POU6F2: variants seen among roughly 807,000 people sequenced by gnomAD.
POU6F2 encodes POU class 6 homeobox 2.
A neutral mutation model predicts 71.3 loss-of-function variants in POU6F2; 31 were observed. That is an observed-to-expected ratio of 0.43 (90% CI 0.33 to 0.59). The LOEUF (loss-of-function observed/expected upper bound fraction) is 0.59. Ranked by LOEUF, POU6F2 falls within the 20% of genes least tolerant of loss-of-function variation. POU6F2 has a pLI of 0.04. For missense variants in POU6F2, 783 were observed against 856.8 expected (o/e 0.91, Z 1.07); for synonymous variants, 347 against 355.7 (o/e 0.98, Z 0.27).
chr7:39,136,447 C>T (rs750786401), intron 2 of POU6F2, among the ~76,000 whole-genome samples: 28 of 152,086 alleles, frequency 1.8e-4, no homozygotes, highest in Non-Finnish European at 3.2e-4. Flanking sequence ...GTGAATGTTC[C>T]AGGCAGTGTT....
At position 39,386,563 on chromosome 7, in the gene POU6F2, C is replaced by T. The variant is rs569204329; in HGVS notation, c.973-20037C>T. 1.1e-4 allele frequency among the ~76,000 whole-genome samples: 17 copies of T among 152,294 alleles called. No individual in the cohort carries two copies. In the South Asian group the frequency reaches 3.5e-3, roughly 32 times the overall value. ...CAAAGATTTTTAACAGGAGGGTGAT[C>T]TCAGCAAATGTTTCAGGATGGCTGC... On this transcript the variant is annotated intron_variant, in intron 5 of 9. Coordinates refer to ENST00000518318, the MANE Select transcript of POU6F2 (RefSeq NM_001370959.1).
At chr7:39,397,740 G>T (rs1014272098) in intron 5 of POU6F2, among the ~76,000 whole-genome samples, 1 of 148,526 alleles carries the variant, frequency 6.7e-6, no homozygotes, top group Non-Finnish European at 1.5e-5. Flanking sequence ...TGATCCACCC[G>T]CCTGATCCAC....
chr7:39,279,640 C>T (rs1386711991), intron 4 of POU6F2, among the ~76,000 whole-genome samples: 4 of 152,208 alleles, frequency 2.6e-5, no homozygotes, highest in Non-Finnish European at 5.9e-5. Context: ...CAGTGGTTTG[C>T]CAGCAATCTT....
At chr7:39,288,356 A>C (rs1024937268) in intron 4 of POU6F2, among the ~76,000 whole-genome samples, 1 of 152,184 alleles carries the variant, frequency 6.6e-6, no homozygotes, top group Non-Finnish European at 1.5e-5. Context: ...CAACATCCTC[A>C]GCTGTCACAG....
rs143879544 is a variant in POU6F2 at position 39,169,900 on chromosome 7, A to C, written c.278-34335A>C. Among the ~76,000 whole-genome samples the C allele has an allele frequency of 9.2e-3, 1,396 of 152,284 alleles. 22 individuals carry two copies. Among genetic ancestry groups the C allele is most frequent in the African/African-American group, 0.031 (1,297 of 41,570 alleles). ...GATTATAAAATTGAATTCAAAGGTA[A>C]GGCTGGGCGCGGTGGCTCATGCCTG... On this transcript the variant is annotated intron_variant, in intron 2 of 9. Transcript: ENST00000518318.
At chr7:39,175,979 G>A (rs1476851692) in intron 2 of POU6F2, among the ~76,000 whole-genome samples, 3 of 152,142 alleles carry the variant, frequency 2.0e-5, no homozygotes, top group Admixed American at 6.5e-5. Flanking sequence ...CTTTATCTTA[G>A]GTCAATCAGC....
chr7:38,997,490 T>C (rs1271181374), intron 1 of POU6F2, among the ~76,000 whole-genome samples: 2 of 152,358 alleles, frequency 1.3e-5, no homozygotes, highest in African/African-American at 4.8e-5. Context: ...TGGCCTCATC[T>C]GAATCCTTAG....
At chr7:39,026,495 C>A (rs1379435747) in intron 1 of POU6F2, among the ~76,000 whole-genome samples, 1 of 151,936 alleles carries the variant, frequency 6.6e-6, no homozygotes, top group Non-Finnish European at 1.5e-5. Flanking sequence ...TAAACTATGG[C>A]AAGGACAAAA....
At chr7:39,178,570 T>C (rs908207780) in intron 2 of POU6F2, among the ~76,000 whole-genome samples, 11 of 152,240 alleles carry the variant, frequency 7.2e-5, no homozygotes, top group African/African-American at 2.7e-4. Context: ...GTATTATTTT[T>C]AAATTTAATT....
intron 5 of POU6F2, among the ~76,000 whole-genome samples, chr7:39,382,394 C>T (rs1786847130): frequency 6.6e-6 from 1 of 152,158 alleles, no homozygotes; most frequent in Admixed American, 6.5e-5. Context: ...AGCACAGAGA[C>T]TCAGACCTGG....
At chr7:39,344,420 A>T (rs2115640781) in intron 5 of POU6F2, among the ~76,000 whole-genome samples, 1 of 152,290 alleles carries the variant, frequency 6.6e-6, no homozygotes, top group Admixed American at 6.5e-5. Context: ...CGCAGTGGGC[A>T]TTGCCTTCTG....
rs760236811 is a variant in POU6F2, at chr7:39,451,638, G to A, written c.1426G>A (p.Ala476Thr). Residue 476 changes from alanine to threonine, a missense_variant, in exon 8 of 10, where the codon GCT (alanine) becomes ACT (threonine). By Grantham distance (58) the Ala-to-Thr change is moderately conservative (BLOSUM62 0). Around this residue, in one of 2 missense-constraint regions of POU6F2, gnomAD observed 572 missense variants for 572.9 expected, o/e 1.00. Coordinates refer to ENST00000518318, the MANE Select transcript of POU6F2 (RefSeq NM_001370959.1). ...ASMSQSPVRQ[A>T]SSSSSSSSSS... is the part of the protein sequence containing the mutation. ...CATGTCTCAAAGTCCCGTCCGGCAG[G>A]CTTCCTCTTCTTCCTCCTCATCCTC... is the stretch of plus-strand genomic sequence containing the variant. 1.9e-6 allele frequency: 3 copies of A among 1,613,022 alleles called. No homozygotes were observed. The highest frequency in any genetic ancestry group is 2.2e-5 in the East Asian group (1 of 44,870).
intron 7 of POU6F2, among the ~76,000 whole-genome samples, chr7:39,441,686 A>G (rs1245742066): frequency 6.6e-6 from 1 of 152,200 alleles, no homozygotes; most frequent in Non-Finnish European, 1.5e-5. Context: ...AGAAACATCA[A>G]TTCCTCTGTT....
At chr7:39,053,118 A>G (rs1215606544) in intron 1 of POU6F2, among the ~76,000 whole-genome samples, 1 of 152,136 alleles carries the variant, frequency 6.6e-6, no homozygotes, top group African/African-American at 2.4e-5. Context: ...GAGCTGATCT[A>G]TGATGAAAAC....
chr7:39,216,283 A>G (rs1333241492), intron 4 of POU6F2, among the ~76,000 whole-genome samples: 3 of 152,226 alleles, frequency 2.0e-5, no homozygotes, highest in East Asian at 1.9e-4. Flanking sequence ...CTAGAATTCT[A>G]TTAGGTGAAC....
intron 4 of POU6F2, among the ~76,000 whole-genome samples, chr7:39,298,621 G>C (rs555783226): frequency 6.6e-6 from 1 of 152,288 alleles, no homozygotes; most frequent in Admixed American, 6.5e-5. Context: ...TCTAGAACCA[G>C]AAATACCATT....
intron 2 of POU6F2, among the ~76,000 whole-genome samples, chr7:39,183,838 C>T (rs1793482160): frequency 6.6e-6 from 1 of 152,178 alleles, no homozygotes; most frequent in Non-Finnish European, 1.5e-5. Context: ...TATTCGTTAT[C>T]CACAATAACA....
intron 5 of POU6F2, among the ~76,000 whole-genome samples, chr7:39,356,005 G>A (rs982623144): frequency 6.6e-5 from 10 of 152,094 alleles, no homozygotes; most frequent in African/African-American, 2.2e-4. Flanking sequence ...AGAGAAGTCA[G>A]GGGCTGTCGA....
intron 4 of POU6F2, among the ~76,000 whole-genome samples, chr7:39,215,653 C>G (rs150477663): frequency 2.0e-5 from 3 of 152,280 alleles, no homozygotes; most frequent in African/African-American, 7.2e-5. Context: ...CCTTAATGCA[C>G]ATATACGCTA....
Sources: allele counts gnomAD v4.1 joint callset (sites outside exome capture counted in the v4.1 genomes callset), GRCh38; gene constraint gnomAD v4.1.1; regional missense constraint gnomAD v4.1.1; transcripts MANE v1.5; gene names NCBI Gene and HGNC (gene_info 2026-07-23, HGNC 2026-07-21).